The following USP37 variants were observed in gnomAD, a reference collection of about 807,000 sequenced individuals.
USP37 encodes the protein ubiquitin carboxyl-terminal hydrolase 37.
USP37 carries 27 observed loss-of-function variants against 124.0 expected under a neutral mutation model. The ratio of observed to expected loss-of-function variants is 0.22; its 90% CI spans 0.16 to 0.30. The LOEUF is 0.30. USP37 is among the 10% of genes least tolerant of loss of function. USP37 has a pLI of 1.00. For synonymous variants in USP37, 365 were observed against 388.0 expected, an observed-to-expected ratio of 0.94 and a Z score of 0.70; for missense variants, 889 against 1,140.4, an observed-to-expected ratio of 0.78 and a Z score of 3.17.
intron 10 of USP37, chr2:218,514,138 C>A (rs755518124): frequency 6.6e-6 from 1 of 152,034 alleles, no homozygotes; most frequent in Non-Finnish European, 1.5e-5. Flanking sequence ...TTTAGATTTA[C>A]AAAAAAGTTG....
intron 14 of USP37, among the ~76,000 whole-genome samples, chr2:218,494,612 T>C (rs992651377): frequency 6.6e-6 from 1 of 152,194 alleles, no homozygotes; most frequent in Non-Finnish European, 1.5e-5. Flanking sequence ...GTAAAGACTA[T>C]GTGTGAGTCA....
intron 18 of USP37, among the ~76,000 whole-genome samples, chr2:218,478,966 CT>C (rs1691110351): frequency 6.6e-6 from 1 of 152,076 alleles, no homozygotes; most frequent in South Asian, 2.1e-4. Flanking sequence ...AAAAATGTCT[CT>C]TCTCTAAAAG....
intron 10 of USP37, among the ~76,000 whole-genome samples, chr2:218,527,654 G>A (rs1006141917): frequency 2.0e-5 from 3 of 152,074 alleles, no homozygotes; most frequent in Non-Finnish European, 4.4e-5. Context: ...GAAGAATTTT[G>A]TATGTAGGAA....
intron 10 of USP37, among the ~76,000 whole-genome samples, chr2:218,513,532 T>A (rs1032211157): frequency 1.3e-5 from 2 of 152,198 alleles, no homozygotes; most frequent in Admixed American, 6.5e-5. Context: ...CTGGTGCCCG[T>A]TTGTATCCCT....
At position 218,476,841 on chromosome 2, in the gene USP37, T is replaced by G. The variant is rs367689195; in HGVS notation, c.2042A>C (p.Lys681Thr). Residue 681 changes from lysine (K) to threonine (T), a missense_variant and splice_region_variant, in exon 19 of 26, where the codon AAA becomes ACA. Transcript: ENST00000258399. ...GNEQQQEDLE[K>T]DSKLCPIEPD... Reference sequence around the variant, plus strand: ...ATGTTTTAAGAAAATATTACTTACTTTTTCCAGGTCTTCCTGCTGCTGTTC... The same window carrying G: ...ATGTTTTAAGAAAATATTACTTACTGTTTCCAGGTCTTCCTGCTGCTGTTC... 33 of 1,591,012 alleles carry G rather than the reference T, an allele frequency of 2.1e-5. No individual in the cohort carries two copies. Among genetic ancestry groups the G allele is most frequent in the African/African-American group, 2.7e-5 (2 of 73,400 alleles).
intron 6 of USP37, among the ~76,000 whole-genome samples, chr2:218,548,311 A>G (rs1359936915): frequency 1.3e-5 from 2 of 152,094 alleles, no homozygotes; most frequent in Non-Finnish European, 2.9e-5. Flanking sequence ...AATTTTGAAT[A>G]TTATCCCATC....
chr2:218,522,845 AAG>A (rs914413647), intron 10 of USP37, among the ~76,000 whole-genome samples: 1 of 152,132 alleles, frequency 6.6e-6, no homozygotes, highest in African/African-American at 2.4e-5. Flanking sequence ...GCTTGGAAAG[AAG>A]AGTTTCAGGG....
intron 16 of USP37, among the ~76,000 whole-genome samples, chr2:218,484,015 C>T (rs1691403187): frequency 6.6e-6 from 1 of 152,026 alleles, no homozygotes; most frequent in Non-Finnish European, 1.5e-5. Context: ...AAAAATTAGC[C>T]AGGCGTGGTG....
chr2:218,461,313 G>A (rs551423689), intron 22 of USP37, among the ~76,000 whole-genome samples: 1 of 152,034 alleles, frequency 6.6e-6, no homozygotes, highest in Non-Finnish European at 1.5e-5. Context: ...CTGGAGACCA[G>A]CCTGACCAAC....
intron 4 of USP37, among the ~76,000 whole-genome samples, chr2:218,555,011 TTC>T (rs1051135036): frequency 6.6e-6 from 1 of 152,200 alleles, no homozygotes; most frequent in Admixed American, 6.5e-5. Context: ...CTTAACTTAC[TTC>T]TCTCTCCACA....
At chr2:218,501,470 C>T (rs1461475348) in intron 11 of USP37, among the ~76,000 whole-genome samples, 3 of 152,042 alleles carry the variant, frequency 2.0e-5, no homozygotes, top group Non-Finnish European at 2.9e-5. Flanking sequence ...GTTTGAGAGT[C>T]TGGAATTACC....
intron 16 of USP37, among the ~76,000 whole-genome samples, chr2:218,484,028 G>A (rs1287406861): frequency 6.6e-6 from 1 of 151,252 alleles, no homozygotes; most frequent in Non-Finnish European, 1.5e-5. Context: ...GCGTGGTGGC[G>A]CGTTCCTGTA....
intron 11 of USP37, among the ~76,000 whole-genome samples, chr2:218,509,668 A>T (rs1307544807): frequency 6.6e-6 from 1 of 152,146 alleles, no homozygotes; most frequent in Non-Finnish European, 1.5e-5. Context: ...ATATATAACC[A>T]TGAAGAACCT....
Position 218,495,953 on chromosome 2 carries a change from A to G in USP37, c.1282-3T>C, listed in dbSNP as rs768394792. On this transcript the variant is annotated splice_region_variant and splice_polypyrimidine_tract_variant and intron_variant, in intron 13 of 25. Coordinates refer to ENST00000258399, the MANE Select transcript of USP37 (RefSeq NM_020935.3). ...TGACTTAAAAATTCATGAGCATCCT[A>G]ATAAGACAACAATATCCTTAATCAG... is the stretch of plus-strand genomic sequence containing the variant. The G allele has an allele frequency of 5.6e-6, 9 of 1,607,460 alleles. No individual in the cohort carries two copies. The Admixed American group carries it at 1.2e-4, about 21-fold the overall frequency.
chr2:218,546,852 G>GC, intron 7 of USP37, 67 bp downstream of exon 7: 2 of 1,515,228 alleles, frequency 1.3e-6, no homozygotes, highest in South Asian at 2.4e-5. Flanking sequence ...CAAATTACTG[G>GC]TATTTCTAAA....
chr2:218,472,633 A>G (rs999421256), intron 20 of USP37, among the ~76,000 whole-genome samples: 14 of 151,852 alleles, frequency 9.2e-5, no homozygotes, highest in African/African-American at 2.9e-4. Flanking sequence ...CACCCGGCTA[A>G]TTTTGTATTT....
chr2:218,515,202 T>A (rs537307582), intron 10 of USP37, among the ~76,000 whole-genome samples: 1 of 152,188 alleles, frequency 6.6e-6, no homozygotes, highest in African/African-American at 2.4e-5. Context: ...TTAAATTTCA[T>A]AGGGAACTTT....
At chr2:218,461,129 C>T (rs1467264338) in intron 22 of USP37, among the ~76,000 whole-genome samples, 1 of 152,102 alleles carries the variant, frequency 6.6e-6, no homozygotes, top group Non-Finnish European at 1.5e-5. Flanking sequence ...ATCCCAGGAG[C>T]ATTTGTACAT....
At chr2:218,547,420 G>GTTGTTTAA (rs1463464061) in intron 6 of USP37, among the ~76,000 whole-genome samples, 1 of 151,798 alleles carries the variant, frequency 6.6e-6, no homozygotes, top group Non-Finnish European at 1.5e-5. Context: ...TTTTGTTGTT[G>GTTGTTTAA]TTGTTGTTTG....
Sources: gnomAD v4.1 joint callset for allele counts (sites outside exome capture counted in the v4.1 genomes callset) on GRCh38, gnomAD v4.1.1 for gene constraint, MANE v1.5 for transcripts, NCBI Gene and HGNC (gene_info 2026-07-23, HGNC 2026-07-21) for gene names.